VTI1A: variants seen among roughly 807,000 people sequenced by gnomAD.
VTI1A encodes vesicle transport through interaction with t-SNAREs 1A.
In VTI1A, 22 loss-of-function variants were observed where a neutral mutation model predicts 34.9. The observed-to-expected ratio is 0.63, with a 90% CI of 0.45 to 0.90. VTI1A has a LOEUF of 0.90. VTI1A is among the 40% of genes least tolerant of loss of function. VTI1A has a pLI of 0.00. For missense variants in VTI1A, 268 were observed against 275.6 expected (o/e 0.97, Z 0.20); for synonymous variants, 87 against 97.3 (o/e 0.89, Z 0.62).
At chr10:112,785,850 A>C (rs1032462612) in intron 7 of VTI1A, among the ~76,000 whole-genome samples, 1 of 152,214 alleles carries the variant, frequency 6.6e-6, no homozygotes, top group Non-Finnish European at 1.5e-5. Flanking sequence ...CCCAGACTAC[A>C]CCGTCTTGAT....
Position 112,668,924 on chromosome 10 carries a change from T to C in VTI1A, c.499-13T>C. ...TTGCATGAACTTCTGTTTTGTTTTG[T>C]TTCTTCTTGTAGCTTCGGGAAACAG... On this transcript the variant is annotated splice_polypyrimidine_tract_variant and intron_variant, in intron 6 of 7. Coordinates refer to ENST00000393077, the MANE Select transcript of VTI1A (RefSeq NM_145206.4). The C allele has an allele frequency of 6.2e-7, 1 of 1,612,088 alleles. No individual in the cohort carries two copies. The highest frequency in any genetic ancestry group is 8.5e-7 in the Non-Finnish European group (1 of 1,178,546).
At chr10:112,681,495 G>A (rs1198540105) in intron 7 of VTI1A, among the ~76,000 whole-genome samples, 1 of 152,122 alleles carries the variant, frequency 6.6e-6, no homozygotes, top group Non-Finnish European at 1.5e-5. Context: ...ATGTTTAAAT[G>A]ATTGGGAAAA....
intron 4 of VTI1A, among the ~76,000 whole-genome samples, chr10:112,535,634 CA>C (rs1850591162): frequency 6.6e-6 from 1 of 152,186 alleles, no homozygotes; most frequent in South Asian, 2.1e-4. Context: ...CAGCTCTCCA[CA>C]TTGCGCAGCT....
chr10:112,574,327 T>G (rs1245924915), intron 5 of VTI1A, among the ~76,000 whole-genome samples: 3 of 152,240 alleles, frequency 2.0e-5, no homozygotes, highest in Non-Finnish European at 2.9e-5. Context: ...TGTCCTTTAA[T>G]GCAAATATAT....
At chr10:112,576,313 C>T (rs888266903) in intron 5 of VTI1A, among the ~76,000 whole-genome samples, 11 of 152,214 alleles carry the variant, frequency 7.2e-5, no homozygotes, top group Admixed American at 2.6e-4. Flanking sequence ...AGCCACCGCG[C>T]CCGGCCCCCT....
chr10:112,548,588 G>A, intron 5 of VTI1A: 1 of 832,220 alleles, frequency 1.2e-6, no homozygotes, highest in East Asian at 2.5e-5. Flanking sequence ...AGACCAGGGT[G>A]GCAGGTATTA....
chr10:112,805,404 A>G (rs1163234207), intron 7 of VTI1A, among the ~76,000 whole-genome samples: 1 of 152,220 alleles, frequency 6.6e-6, no homozygotes, highest in East Asian at 1.9e-4. Context: ...ATTCGTTGAC[A>G]TATGTCACTG....
At chr10:112,745,368 G>A (rs1850858425) in intron 7 of VTI1A, among the ~76,000 whole-genome samples, 1 of 152,046 alleles carries the variant, frequency 6.6e-6, no homozygotes, top group African/African-American at 2.4e-5. Context: ...TGAGCTGTAG[G>A]ATTTGGATTT....
At chr10:112,760,978 C>A (rs1851445611) in intron 7 of VTI1A, among the ~76,000 whole-genome samples, 1 of 151,568 alleles carries the variant, frequency 6.6e-6, no homozygotes, top group Non-Finnish European at 1.5e-5. Flanking sequence ...TTTAAGAATG[C>A]AGAAATCGGA....
At position 112,817,507 on chromosome 10, in the gene VTI1A, G is replaced by C. The variant is rs910038071; in HGVS notation, c.*2124G>C. 1 of 229,996 alleles carries C rather than the reference G, an allele frequency of 4.3e-6. No individual in the cohort carries two copies. The highest frequency in any genetic ancestry group is 5.6e-5 in the Admixed American group (1 of 17,704). 14.2% of individuals were successfully genotyped at this position (229,996 alleles called of 1,614,324 possible). ...ATTTTACCCCAATTCAACCTTGGGA[G>C]TGGGAAGAATATGAACAGATAACCC... On this transcript the variant is annotated 3_prime_UTR_variant, in exon 8 of 8. Transcript: ENST00000393077.
chr10:112,802,738 A>G (rs1852919531), intron 7 of VTI1A, among the ~76,000 whole-genome samples: 1 of 152,164 alleles, frequency 6.6e-6, no homozygotes, highest in Non-Finnish European at 1.5e-5. Flanking sequence ...TTTTTTAAGT[A>G]CAGGCCTATT....
intron 7 of VTI1A, among the ~76,000 whole-genome samples, chr10:112,776,677 A>ATTTT (rs1161945456): frequency 3.0e-5 from 4 of 131,284 alleles, no homozygotes; most frequent in Non-Finnish European, 4.8e-5. Context: ...GGCTGACTTA[A>ATTTT]TTTTTTTTTT....
At chr10:112,736,111 GTA>G (rs372188173) in intron 7 of VTI1A, among the ~76,000 whole-genome samples, 1,941 of 116,084 alleles carry the variant, frequency 0.017, 30 homozygotes, top group African/African-American at 0.031. Flanking sequence ...ATGTGTGTGT[GTA>G]TATATATATA....
At chr10:112,464,773 G>C (rs1847842347) in intron 3 of VTI1A, 116 bp downstream of exon 3, 1 of 836,280 alleles carries the variant, frequency 1.2e-6, no homozygotes, top group East Asian at 2.7e-5. Context: ...ACAAGTAACA[G>C]CTTTCATTCT....
At chr10:112,771,897 G>A (rs1005483901) in intron 7 of VTI1A, among the ~76,000 whole-genome samples, 23 of 152,054 alleles carry the variant, frequency 1.5e-4, no homozygotes, top group Middle Eastern at 6.8e-3. Flanking sequence ...CCTTTTTTAC[G>A]GTCAAATAGT....
intron 7 of VTI1A, among the ~76,000 whole-genome samples, chr10:112,769,213 C>G (rs1438758421): frequency 1.3e-5 from 2 of 152,132 alleles, no homozygotes; most frequent in African/African-American, 4.8e-5. Flanking sequence ...CCACCACAGC[C>G]CAGCTAACTT....
chr10:112,573,935 C>T (rs903550204), intron 5 of VTI1A, among the ~76,000 whole-genome samples: 2 of 152,118 alleles, frequency 1.3e-5, no homozygotes, highest in Admixed American at 6.5e-5. Flanking sequence ...ACTTTGTCTT[C>T]CCCCAGAAGC....
intron 3 of VTI1A, among the ~76,000 whole-genome samples, chr10:112,476,025 C>T (rs908309020): frequency 3.9e-5 from 6 of 152,224 alleles, no homozygotes; most frequent in Admixed American, 1.3e-4. Flanking sequence ...AAATCCAATT[C>T]GTCAAATTGT....
downstream of VTI1A, among the ~76,000 whole-genome samples, chr10:112,819,937 G>A (rs1024790139): frequency 1.3e-5 from 2 of 152,174 alleles, no homozygotes; most frequent in Non-Finnish European, 2.9e-5. Context: ...GAGGGACCAG[G>A]CCCCTTATGT....
Sources: allele counts gnomAD v4.1 joint callset (sites outside exome capture counted in the v4.1 genomes callset), GRCh38; gene constraint gnomAD v4.1.1; transcripts MANE v1.5; gene names NCBI Gene and HGNC (gene_info 2026-07-23, HGNC 2026-07-21).